The following NRXN3 variants were observed in gnomAD, a reference collection of about 807,000 sequenced individuals.
The protein encoded by NRXN3 is neurexin III.
NRXN3 carries 32 observed loss-of-function variants against 137.6 expected under a neutral mutation model. The ratio of observed to expected loss-of-function variants is 0.23; its 90% CI spans 0.18 to 0.31. The LOEUF (loss-of-function observed/expected upper bound fraction) is 0.31, where lower values mean the gene tolerates loss of function less well. Ranked by LOEUF, NRXN3 falls within the 10% of genes least tolerant of loss-of-function variation. The probability of loss-of-function intolerance (pLI) is 1.00; values close to 1 mark genes in which losing one functional copy is unlikely to be tolerated. For missense variants in NRXN3, 1,574 were observed against 2,062.5 expected, an observed-to-expected ratio of 0.76 and a Z score of 4.59; for synonymous variants, 798 against 784.5, an observed-to-expected ratio of 1.02 and a Z score of -0.29.
chr14:78,339,171 A>G (rs1337488838), intron 4 of NRXN3, among the ~76,000 whole-genome samples: 2 of 152,220 alleles, frequency 1.3e-5, no homozygotes, highest in Non-Finnish European at 2.9e-5. Context: ...TGAAGGAAAG[A>G]GGTAAATATT....
At chr14:79,522,150 G>T (rs1334049230) in intron 16 of NRXN3, among the ~76,000 whole-genome samples, 1 of 152,150 alleles carries the variant, frequency 6.6e-6, no homozygotes, top group Non-Finnish European at 1.5e-5. Context: ...TACTTCTGTG[G>T]AACAGGTAGT....
intron 4 of NRXN3, among the ~76,000 whole-genome samples, chr14:78,384,496 C>T (rs1000457673): frequency 6.6e-6 from 1 of 152,130 alleles, no homozygotes; most frequent in Non-Finnish European, 1.5e-5. Flanking sequence ...TGAGAGGTCT[C>T]AAACACACCA....
chr14:79,858,784 A>T (rs970024100), intron 20 of NRXN3, among the ~76,000 whole-genome samples: 1 of 152,050 alleles, frequency 6.6e-6, no homozygotes, highest in African/African-American at 2.4e-5. Context: ...GCCCTCTTTC[A>T]TATATCACCT....
intron 4 of NRXN3, among the ~76,000 whole-genome samples, chr14:78,460,083 C>A (rs972390925): frequency 2.0e-5 from 3 of 152,222 alleles, no homozygotes; most frequent in Non-Finnish European, 4.4e-5. Context: ...TTTACATCTA[C>A]CCATTTATTA....
chr14:78,728,036 C>A (rs1595239032), intron 8 of NRXN3, among the ~76,000 whole-genome samples: 1 of 152,032 alleles, frequency 6.6e-6, no homozygotes, highest in East Asian at 1.9e-4. Context: ...TATAACTTGC[C>A]CAAAGTTACA....
intron 4 of NRXN3, among the ~76,000 whole-genome samples, chr14:78,384,613 G>T (rs57959386): frequency 0.028 from 4,281 of 152,146 alleles, 179 homozygotes; most frequent in African/African-American, 0.093. Context: ...CACTATAACT[G>T]GGGGAGTTCT....
At chr14:78,470,947 G>T (rs1027985457) in intron 4 of NRXN3, among the ~76,000 whole-genome samples, 1 of 152,096 alleles carries the variant, frequency 6.6e-6, no homozygotes, top group South Asian at 2.1e-4. Flanking sequence ...ACCAACCCTG[G>T]AACTCAGGAC....
At chr14:79,324,212 G>A (rs111820566) in intron 15 of NRXN3, among the ~76,000 whole-genome samples, 1 of 152,188 alleles carries the variant, frequency 6.6e-6, no homozygotes, top group African/African-American at 2.4e-5. Context: ...AAGAAGAGCC[G>A]TTTAGTAAAG....
chr14:79,059,280 T>C (rs1206532712), intron 15 of NRXN3, among the ~76,000 whole-genome samples: 89 of 137,620 alleles, frequency 6.5e-4, no homozygotes, highest in Non-Finnish European at 1.2e-3. Context: ...TTTTTTGAGA[T>C]GGAGTCTCAC....
intron 16 of NRXN3, among the ~76,000 whole-genome samples, chr14:79,577,336 A>C (rs2097674886): frequency 6.6e-6 from 1 of 152,172 alleles, no homozygotes; most frequent in South Asian, 2.1e-4. Context: ...GCTCTTAACA[A>C]TCTTTAGTAT....
chr14:78,273,787 C>T (rs957029677), intron 2 of NRXN3, among the ~76,000 whole-genome samples: 2 of 152,218 alleles, frequency 1.3e-5, no homozygotes, highest in South Asian at 4.1e-4. Context: ...GTGGCATTTT[C>T]CCCTGTGCCA....
intron 4 of NRXN3, among the ~76,000 whole-genome samples, chr14:78,476,920 AGATCTTGGGG>A (rs1236763884): frequency 6.6e-6 from 1 of 152,208 alleles, no homozygotes; most frequent in Non-Finnish European, 1.5e-5. Context: ...CTCGTATTCA[AGATCTTGGGG>A]TGATCTTTTT....
intron 15 of NRXN3, among the ~76,000 whole-genome samples, chr14:79,404,248 A>C (rs992152717): frequency 1.3e-5 from 2 of 152,230 alleles, no homozygotes; most frequent in African/African-American, 4.8e-5. Context: ...GAACTTCAAC[A>C]AATTTACAAG....
intron 10 of NRXN3, 148 bp from the exon 11 acceptor site, chr14:78,957,093 TG>T (rs1349881884): frequency 4.0e-6 from 3 of 757,284 alleles, no homozygotes; most frequent in Admixed American, 2.7e-5. Context: ...GAGAATCCAC[TG>T]GATCAGTAAA....
chr14:79,417,983 A>G (rs1193978723), intron 15 of NRXN3, among the ~76,000 whole-genome samples: 1 of 152,120 alleles, frequency 6.6e-6, no homozygotes, highest in Non-Finnish European at 1.5e-5. Flanking sequence ...AAGAAGAAGA[A>G]AAAAGATAAA....
chr14:78,464,823 A>G (rs1599008928), intron 4 of NRXN3, among the ~76,000 whole-genome samples: 3 of 152,248 alleles, frequency 2.0e-5, no homozygotes, highest in South Asian at 2.1e-4. Context: ...ACTTTTTGCT[A>G]TGAGAGTTTA....
At chr14:78,437,658 C>G (rs866876568) in intron 4 of NRXN3, among the ~76,000 whole-genome samples, 4 of 152,070 alleles carry the variant, frequency 2.6e-5, no homozygotes, top group Admixed American at 1.3e-4. Flanking sequence ...CTGTGGTTTC[C>G]GATCACAGTT....
intron 15 of NRXN3, among the ~76,000 whole-genome samples, chr14:79,081,729 G>C (rs979767097): frequency 6.6e-6 from 1 of 151,950 alleles, no homozygotes; most frequent in Non-Finnish European, 1.5e-5. Flanking sequence ...ATAGAGGTAT[G>C]AGCAATGTTC....
intron 15 of NRXN3, among the ~76,000 whole-genome samples, chr14:79,398,590 T>G (rs1326675341): frequency 1.3e-5 from 2 of 152,080 alleles, no homozygotes; most frequent in Non-Finnish European, 2.9e-5. Context: ...CAATCATATT[T>G]CTAGCAAAAC....
Sources: gnomAD v4.1 joint callset for allele counts (sites outside exome capture counted in the v4.1 genomes callset) on GRCh38, gnomAD v4.1.1 for gene constraint, MANE v1.5 for transcripts, NCBI Gene and HGNC (gene_info 2026-07-23, HGNC 2026-07-21) for gene names.